The following FAM193A variants were observed in gnomAD, a reference collection of about 807,000 sequenced individuals.
FAM193A encodes family with sequence similarity 193 member A.
FAM193A carries 22 observed loss-of-function variants against 126.5 expected under a neutral mutation model. The observed-to-expected ratio is 0.17, with a 90% CI of 0.12 to 0.25. The LOEUF (loss-of-function observed/expected upper bound fraction) is 0.25, where lower values mean the gene tolerates loss of function less well. Among genes scored for constraint, FAM193A ranks in the 10% least tolerant of loss-of-function variants. The pLI is 1.00. For synonymous variants in FAM193A, 761 were observed against 646.8 expected, an observed-to-expected ratio of 1.18 and a Z score of -2.68; for missense variants, 1,675 against 1,672.8, an observed-to-expected ratio of 1.00 and a Z score of -0.02.
intron 7 of FAM193A, chr4:2,654,389 T>TTA (rs1307401129): frequency 6.7e-6 from 1 of 150,034 alleles, no homozygotes; most frequent in Non-Finnish European, 1.5e-5. Flanking sequence ...TTTTTTTTTT[T>TTA]TTTTTTTTTT....
chr4:2,624,320 T>C (rs1376909443), intron 2 of FAM193A, among the ~76,000 whole-genome samples: 2 of 152,130 alleles, frequency 1.3e-5, no homozygotes, highest in Non-Finnish European at 2.9e-5. Flanking sequence ...AATTTTTGTG[T>C]ATTTAGAAGA....
At chr4:2,678,128 G>A (rs1345333147) in intron 13 of FAM193A, among the ~76,000 whole-genome samples, 3 of 151,910 alleles carry the variant, frequency 2.0e-5, no homozygotes, top group African/African-American at 7.3e-5. Flanking sequence ...CTCCCGTACA[G>A]GCACGTGCCA....
intron 20 of FAM193A, among the ~76,000 whole-genome samples, chr4:2,726,798 A>G (rs1249144493): frequency 6.7e-6 from 1 of 149,910 alleles, no homozygotes; most frequent in Non-Finnish European, 1.5e-5. Context: ...AAAAAAAAAA[A>G]AAAAAGCCGG....
chr4:2,660,244 G>GGA (rs1553904176), intron 10 of FAM193A, among the ~76,000 whole-genome samples, 190 bp downstream of exon 10: 1 of 147,056 alleles, frequency 6.8e-6, no homozygotes, highest in African/African-American at 2.5e-5. Flanking sequence ...GTTTATCTGG[G>GGA]AAAAAAAAAA....
intron 13 of FAM193A, among the ~76,000 whole-genome samples, chr4:2,678,259 C>A (rs1364051327): frequency 6.6e-6 from 1 of 152,036 alleles, no homozygotes; most frequent in African/African-American, 2.4e-5. Context: ...GGTGGGATTA[C>A]AGGCGTGAGC....
chr4:2,717,592 T>C (rs550708807), intron 20 of FAM193A, among the ~76,000 whole-genome samples: 2 of 126,798 alleles, frequency 1.6e-5, no homozygotes, highest in East Asian at 2.5e-4. Context: ...AGAGACTTTG[T>C]CTCAGGAAAA....
intron 13 of FAM193A, among the ~76,000 whole-genome samples, chr4:2,675,365 T>C (rs569738270): frequency 6.6e-5 from 10 of 152,374 alleles, no homozygotes; most frequent in Admixed American, 3.3e-4. Context: ...AAGACTTCCA[T>C]TGATTCATCG....
At chr4:2,619,088 G>T (rs1340504005) in intron 2 of FAM193A, among the ~76,000 whole-genome samples, 1 of 152,064 alleles carries the variant, frequency 6.6e-6, no homozygotes, top group Non-Finnish European at 1.5e-5. Context: ...TGCTTAATCT[G>T]CCAAGTGTGT....
At chr4:2,694,828 C>A in intron 16 of FAM193A, 118 bp from the exon 17 acceptor site, 1 of 828,854 alleles carries the variant, frequency 1.2e-6, no homozygotes, top group Non-Finnish European at 1.8e-6. Flanking sequence ...GACTATGCAC[C>A]CTCTGCGCTG....
chr4:2,631,341 TCTGGACTTTGCCA>T (rs1450831034), intron 5 of FAM193A, among the ~76,000 whole-genome samples, 172 bp downstream of exon 5: 1 of 152,098 alleles, frequency 6.6e-6, no homozygotes, highest in African/African-American at 2.4e-5. Context: ...TTGTCTTTCC[TCTGGACTTTGCCA>T]CTGGATAAAA....
intron 1 of FAM193A, among the ~76,000 whole-genome samples, chr4:2,564,746 A>G (rs1300171924): frequency 6.6e-6 from 1 of 152,174 alleles, no homozygotes; most frequent in East Asian, 1.9e-4. Context: ...AAATGGTTAG[A>G]ATAAATGATG....
chr4:2,638,747 T>C (rs1014717175), intron 5 of FAM193A, among the ~76,000 whole-genome samples: 21 of 152,210 alleles, frequency 1.4e-4, no homozygotes, highest in Non-Finnish European at 4.4e-5. Context: ...ATTTGTTCTC[T>C]CAGCCCCCAT....
intron 2 of FAM193A, among the ~76,000 whole-genome samples, chr4:2,605,098 CA>C (rs1741456341): frequency 6.6e-6 from 1 of 151,864 alleles, no homozygotes; most frequent in Non-Finnish European, 1.5e-5. Flanking sequence ...TGTGAGCCAC[CA>C]TGCCCAGGCG....
At chr4:2,543,012 C>A (rs900690350) in intron 1 of FAM193A, among the ~76,000 whole-genome samples, 25 of 152,030 alleles carry the variant, frequency 1.6e-4, no homozygotes, top group African/African-American at 6.0e-4. Flanking sequence ...AATTCTTATA[C>A]ACAAAGCTTG....
intron 2 of FAM193A, among the ~76,000 whole-genome samples, chr4:2,618,591 C>CT (rs34641526): frequency 0.34 from 26,771 of 79,812 alleles, 6,799 homozygotes; most frequent in Non-Finnish European, 0.39. Context: ...CCATGCCCGG[C>CT]TTTTTTTTTT....
chr4:2,573,939 C>T (rs989116383), intron 1 of FAM193A, among the ~76,000 whole-genome samples: 1 of 152,130 alleles, frequency 6.6e-6, no homozygotes, highest in Admixed American at 6.6e-5. Flanking sequence ...TGGGAGCACC[C>T]TTAGGTGTCC....
chr4:2,721,979 A>G (rs1486730200), intron 20 of FAM193A, among the ~76,000 whole-genome samples: 1 of 152,242 alleles, frequency 6.6e-6, no homozygotes, highest in Non-Finnish European at 1.5e-5. Context: ...ATGTACATAC[A>G]GTGCAGTTCC....
At chr4:2,575,745 C>A (rs182756774) in intron 1 of FAM193A, among the ~76,000 whole-genome samples, 1 of 152,052 alleles carries the variant, frequency 6.6e-6, no homozygotes, top group Admixed American at 6.5e-5. Flanking sequence ...GGATTACAGA[C>A]GTGAGCCATC....
Position 2,537,912 on chromosome 4 carries a change from G to A in FAM193A, c.255+742G>A, listed in dbSNP as rs576051759. On this transcript the variant is annotated intron_variant, in intron 1 of 20. Transcript: ENST00000637812. ...GATTTTTTTCAGTTTTGTTTATGAAGACAGCTAGCACACATTGCACCTACC... is the reference window on the plus strand; with the variant it reads ...GATTTTTTTCAGTTTTGTTTATGAAAACAGCTAGCACACATTGCACCTACC... Among the ~76,000 whole-genome samples the A allele has an allele frequency of 1.4e-3, 207 of 152,226 alleles. 2 individuals are homozygous for A. Among genetic ancestry groups the A allele is most frequent in the South Asian group, 5.8e-3 (28 of 4,824 alleles).
Sources: gnomAD v4.1 joint callset for allele counts (sites outside exome capture counted in the v4.1 genomes callset) on GRCh38, gnomAD v4.1.1 for gene constraint, MANE v1.5 for transcripts, NCBI Gene and HGNC (gene_info 2026-07-23, HGNC 2026-07-21) for gene names.